The following TBC1D19 variants were observed in gnomAD, a reference collection of about 807,000 sequenced individuals.
The protein encoded by TBC1D19 is TBC1 domain family member 19, also known as TBC1 domain family, member 19.
In TBC1D19, 60 loss-of-function variants were observed where a neutral mutation model predicts 89.0. The ratio of observed to expected loss-of-function variants is 0.67; its 90% confidence interval spans 0.55 to 0.84. The LOEUF (loss-of-function observed/expected upper bound fraction) is 0.84, where lower values mean the gene tolerates loss of function less well. TBC1D19 is among the 40% of genes least tolerant of loss of function. The pLI is 0.00. For missense variants in TBC1D19, 500 were observed against 610.8 expected (o/e 0.82, Z 1.91); for synonymous variants, 189 against 199.7 (o/e 0.95, Z 0.45).
chr4:26,821,809 G>A, the TBC1D19 span, among the ~76,000 whole-genome samples: 6 of 152,308 alleles, frequency 3.9e-5, no homozygotes, highest in African/African-American at 7.2e-5. Flanking sequence ...GCAGGTACCC[G>A]TTCTTTATGT....
chr4:26,672,528 C>G (rs909547392), intron 10 of TBC1D19, among the ~76,000 whole-genome samples: 1 of 151,992 alleles, frequency 6.6e-6, no homozygotes, highest in African/African-American at 2.4e-5. Context: ...TGCACCCACA[C>G]ACCTCTCATT....
intron 1 of TBC1D19, among the ~76,000 whole-genome samples, chr4:26,606,598 A>G (rs1560413189): frequency 1.3e-5 from 2 of 152,202 alleles, no homozygotes; most frequent in African/African-American, 4.8e-5. Context: ...AGGGATGTAG[A>G]CAGTTTCTAA....
At chr4:26,819,874 C>T in the TBC1D19 span, among the ~76,000 whole-genome samples, 1 of 152,320 alleles carries the variant, frequency 6.6e-6, no homozygotes, top group African/African-American at 2.4e-5. Flanking sequence ...TGACTCAGAG[C>T]CACCGTGCTT....
chr4:26,585,251 T>C (rs1739341436), intron 1 of TBC1D19: 5 of 424,590 alleles, frequency 1.2e-5, no homozygotes, highest in South Asian at 8.6e-5. Context: ...TCATTTTCCA[T>C]TCCCACAAGC....
chr4:26,842,280 C>T, the TBC1D19 span, among the ~76,000 whole-genome samples: 6 of 151,844 alleles, frequency 4.0e-5, no homozygotes. Context: ...CTGACATCAT[C>T]CCTCAAGTGT....
chr4:26,786,226 G>T, the TBC1D19 span, among the ~76,000 whole-genome samples: 5 of 152,134 alleles, frequency 3.3e-5, no homozygotes, highest in Admixed American at 6.5e-5. Context: ...ATAAAAGCAG[G>T]GTGAGTGCTC....
At chr4:26,719,468 T>C (rs1716844306) in intron 14 of TBC1D19, among the ~76,000 whole-genome samples, 1 of 152,120 alleles carries the variant, frequency 6.6e-6, no homozygotes, top group South Asian at 2.1e-4. Context: ...TATTTAAAGA[T>C]ATTCAGTGGA....
intron 1 of TBC1D19, among the ~76,000 whole-genome samples, chr4:26,595,072 T>G (rs1740120685): frequency 1.3e-5 from 2 of 152,214 alleles, no homozygotes; most frequent in Admixed American, 6.5e-5. Context: ...GAAATGAGAG[T>G]GCTGGTTGCT....
At chr4:26,697,038 A>G (rs9992395) in intron 13 of TBC1D19, among the ~76,000 whole-genome samples, 4,866 of 152,268 alleles carry the variant, frequency 0.032, 253 homozygotes, top group African/African-American at 0.11. Flanking sequence ...TAGAGACACA[A>G]AAAACCCTTC....
the TBC1D19 span, among the ~76,000 whole-genome samples, chr4:26,854,393 A>G: frequency 6.6e-6 from 1 of 152,232 alleles, no homozygotes; most frequent in African/African-American, 2.4e-5. Context: ...TGATGTATGA[A>G]CACAAACGGC....
chr4:26,659,855 T>C (rs1745112608), intron 8 of TBC1D19, 148 bp downstream of exon 8: 1 of 468,760 alleles, frequency 2.1e-6, no homozygotes, highest in Admixed American at 3.7e-5. Flanking sequence ...CAAATATGTA[T>C]ATAGAGAGAG....
chr4:26,675,675 AGG>A lies in TBC1D19; in HGVS notation c.816+1788_816+1789del, dbSNP rs534187810. Among the ~76,000 whole-genome samples the A allele has an allele frequency of 2.6e-3, 389 of 152,310 alleles. 4 individuals carry two copies. The highest frequency in any genetic ancestry group is 9.1e-3 in the African/African-American group (379 of 41,590). On this transcript the variant is annotated intron_variant, in intron 11 of 20. Coordinates refer to ENST00000264866, the MANE Select transcript of TBC1D19 (RefSeq NM_018317.4). ...AGGAAAAAGAATACTACTTCTTATT[AGG>A]AATACCTTATTAGAATTTTTTGTTG...
At chr4:26,582,341 G>A (rs560129125), upstream of TBC1D19, among the ~76,000 whole-genome samples, 17 of 151,976 alleles carry the variant, frequency 1.1e-4, no homozygotes, top group African/African-American at 3.9e-4. Flanking sequence ...CAATTCCCAG[G>A]GTACATACTA....
intron 4 of TBC1D19, among the ~76,000 whole-genome samples, chr4:26,636,377 G>A (rs1321752957): frequency 1.3e-5 from 2 of 150,092 alleles, no homozygotes; most frequent in Admixed American, 1.3e-4. Context: ...ATAAGAAATA[G>A]AAGAGATAAT....
chr4:26,858,156 A>G, the TBC1D19 span: 1 of 152,254 alleles, frequency 6.6e-6, no homozygotes, highest in Admixed American at 6.5e-5. Context: ...ACCTGTCTGC[A>G]CGTAACACAG....
chr4:26,735,311 C>T, intron 15 of TBC1D19, 144 bp from the exon 16 acceptor site: 1 of 604,714 alleles, frequency 1.7e-6, no homozygotes, highest in Non-Finnish European at 2.8e-6. Context: ...TTATTGTTTA[C>T]TATCACTAAG....
intron 9 of TBC1D19, among the ~76,000 whole-genome samples, chr4:26,669,470 A>C (rs565495882): frequency 6.6e-6 from 1 of 151,970 alleles, no homozygotes; most frequent in South Asian, 2.1e-4. Context: ...TGTTAACATA[A>C]TGGTCCTCAG....
At chr4:26,811,953 T>A in the TBC1D19 span, among the ~76,000 whole-genome samples, 1 of 152,194 alleles carries the variant, frequency 6.6e-6, no homozygotes, top group East Asian at 1.9e-4. Flanking sequence ...ACTCATCCTG[T>A]GACTTCGAAT....
the TBC1D19 span, among the ~76,000 whole-genome samples, chr4:26,778,701 A>G: frequency 6.6e-6 from 1 of 152,176 alleles, no homozygotes; most frequent in Non-Finnish European, 1.5e-5. Flanking sequence ...CCCTTGGACC[A>G]GCATCATTGG....
Sources: gnomAD v4.1 joint callset for allele counts (sites outside exome capture counted in the v4.1 genomes callset) on GRCh38, gnomAD v4.1.1 for gene constraint, MANE v1.5 for transcripts, NCBI Gene and HGNC (gene_info 2026-07-23, HGNC 2026-07-21) for gene names.